The following ADAMTS17 variants were observed in gnomAD, a reference collection of about 807,000 sequenced individuals.
ADAMTS17 encodes ADAM metallopeptidase with thrombospondin type 1 motif 17.
In ADAMTS17, 113 loss-of-function variants were observed where a neutral mutation model predicts 141.5. The ratio of observed to expected loss-of-function variants is 0.80; its 90% CI spans 0.69 to 0.93. The LOEUF (loss-of-function observed/expected upper bound fraction) is 0.93. ADAMTS17 is among the 40% of genes least tolerant of loss of function. The probability of loss-of-function intolerance (pLI) is 0.00; values close to 1 mark genes in which losing one functional copy is unlikely to be tolerated. For synonymous variants in ADAMTS17, 768 were observed against 630.6 expected, an observed-to-expected ratio of 1.22 and a Z score of -3.27; for missense variants, 1,659 against 1,517.9, an observed-to-expected ratio of 1.09 and a Z score of -1.54.
At chr15:100,109,377 T>C (rs555399264) in intron 13 of ADAMTS17, among the ~76,000 whole-genome samples, 2 of 152,046 alleles carry the variant, frequency 1.3e-5, no homozygotes, top group Admixed American at 1.3e-4. Flanking sequence ...TTCCTTTTCC[T>C]TAAGGCATCA....
intron 20 of ADAMTS17, among the ~76,000 whole-genome samples, chr15:99,978,224 G>A (rs2066203844): frequency 6.6e-6 from 1 of 152,200 alleles, no homozygotes; most frequent in African/African-American, 2.4e-5. Context: ...TGGGAGGGCT[G>A]TCTGCTCCCA....
At chr15:100,281,918 TA>T in intron 3 of ADAMTS17, among the ~76,000 whole-genome samples, 1 of 152,248 alleles carries the variant, frequency 6.6e-6, no homozygotes, top group South Asian at 2.1e-4. Flanking sequence ...CTATGTTTTT[TA>T]AAAAAATACA....
chr15:100,211,196 G>A (rs1433422567), intron 7 of ADAMTS17, among the ~76,000 whole-genome samples: 1 of 150,946 alleles, frequency 6.6e-6, no homozygotes, highest in Non-Finnish European at 1.5e-5. Flanking sequence ...CAGCTACTTG[G>A]GAAGCTGAAG....
At chr15:100,146,765 C>T (rs2038925016) in intron 10 of ADAMTS17, among the ~76,000 whole-genome samples, 1 of 152,244 alleles carries the variant, frequency 6.6e-6, no homozygotes, top group African/African-American at 2.4e-5. Flanking sequence ...AGAATACGTG[C>T]CTGGGGGTAT....
chr15:100,287,145 G>A (rs780444067), intron 3 of ADAMTS17, among the ~76,000 whole-genome samples: 7 of 152,050 alleles, frequency 4.6e-5, no homozygotes, highest in Admixed American at 2.0e-4. Context: ...CCAAGATCAC[G>A]CCACCACACT....
chr15:99,976,301 G>A lies in ADAMTS17; in HGVS notation c.2950-79C>T, dbSNP rs186130935. 2.4e-4 allele frequency: 368 copies of A among 1,506,498 alleles called. 2 individuals are homozygous for A. The highest frequency in any genetic ancestry group is 8.7e-4 in the Admixed American group (44 of 50,642). The allele number at this position is 1,506,498 out of a possible 1,614,324, so 93.3% of individuals were successfully genotyped here. On this transcript the variant is annotated intron_variant, in intron 20 of 21. Transcript: ENST00000268070. ...TGATGGCCTCACAATGTGGCACTGC[G>A]GAGACAGGACAGCCTGAGTGGGGGC...
chr15:100,117,247 G>A (rs2037195858), intron 12 of ADAMTS17, among the ~76,000 whole-genome samples: 2 of 152,144 alleles, frequency 1.3e-5, no homozygotes, highest in African/African-American at 4.8e-5. Flanking sequence ...AGGTCATATG[G>A]AAAAAGAAGG....
chr15:99,999,603 G>C (rs1287810110), intron 18 of ADAMTS17, among the ~76,000 whole-genome samples: 1 of 152,200 alleles, frequency 6.6e-6, no homozygotes, highest in Non-Finnish European at 1.5e-5. Context: ...CCTAGGGCCT[G>C]GCTGGCCCTG....
At chr15:100,001,625 ATC>A (rs1196469137) in intron 18 of ADAMTS17, among the ~76,000 whole-genome samples, 3 of 152,038 alleles carry the variant, frequency 2.0e-5, no homozygotes, top group African/African-American at 7.2e-5. Context: ...TGTGTGAGAA[ATC>A]TCTCTGTACC....
chr15:100,065,778 T>A (rs1366279844), intron 15 of ADAMTS17, among the ~76,000 whole-genome samples: 1 of 152,192 alleles, frequency 6.6e-6, no homozygotes, highest in Non-Finnish European at 1.5e-5. Context: ...TATGTATACA[T>A]GTGCCATGGT....
At chr15:100,099,019 C>T (rs746419343) in intron 14 of ADAMTS17, among the ~76,000 whole-genome samples, 2 of 152,220 alleles carry the variant, frequency 1.3e-5, no homozygotes, top group East Asian at 3.8e-4. Context: ...AGGCCTGGTT[C>T]CTTGTCCTGC....
intron 7 of ADAMTS17, among the ~76,000 whole-genome samples, chr15:100,243,065 T>C (rs1406039071): frequency 1.3e-5 from 2 of 152,226 alleles, no homozygotes; most frequent in Non-Finnish European, 2.9e-5. Flanking sequence ...CTCAAGTGAG[T>C]GGCTTCATTC....
intron 18 of ADAMTS17, among the ~76,000 whole-genome samples, chr15:100,027,222 A>G (rs1394746385): frequency 6.6e-6 from 1 of 152,164 alleles, no homozygotes; most frequent in Non-Finnish European, 1.5e-5. Flanking sequence ...GACAAATGTT[A>G]TTATTTGATT....
intron 15 of ADAMTS17, among the ~76,000 whole-genome samples, chr15:100,076,435 A>G (rs941025949): frequency 1.3e-5 from 2 of 152,182 alleles, no homozygotes; most frequent in Admixed American, 1.3e-4. Context: ...TTCCTTGGTA[A>G]GATTTTGCCA....
chr15:100,090,535 T>G (rs1596395103), intron 15 of ADAMTS17, among the ~76,000 whole-genome samples: 1 of 152,306 alleles, frequency 6.6e-6, no homozygotes, highest in East Asian at 1.9e-4. Context: ...GATGCATCAG[T>G]GAAAAGACAT....
At chr15:100,278,937 T>A (rs976509857) in intron 4 of ADAMTS17, among the ~76,000 whole-genome samples, 2 of 152,172 alleles carry the variant, frequency 1.3e-5, no homozygotes, top group Non-Finnish European at 2.9e-5. Context: ...GGAAACAAGC[T>A]GTGGGATCCC....
At chr15:100,185,907 C>T (rs978685629) in intron 8 of ADAMTS17, among the ~76,000 whole-genome samples, 3 of 152,320 alleles carry the variant, frequency 2.0e-5, no homozygotes, top group South Asian at 2.1e-4. Flanking sequence ...AGGACTAACA[C>T]CGCCTTCTTC....
At chr15:100,269,082 A>G (rs2043816750) in intron 4 of ADAMTS17, among the ~76,000 whole-genome samples, 1 of 152,242 alleles carries the variant, frequency 6.6e-6, no homozygotes, top group Non-Finnish European at 1.5e-5. Context: ...CTATATGCAG[A>G]AGAATGAAAC....
intron 12 of ADAMTS17, among the ~76,000 whole-genome samples, chr15:100,131,518 A>G (rs2038044528): frequency 6.6e-6 from 1 of 152,180 alleles, no homozygotes; most frequent in African/African-American, 2.4e-5. Flanking sequence ...CATTAGAGTC[A>G]ATAAAAAGAA....
Sources: allele counts gnomAD v4.1 joint callset (sites outside exome capture counted in the v4.1 genomes callset), GRCh38; gene constraint gnomAD v4.1.1; transcripts MANE v1.5; gene names NCBI Gene and HGNC (gene_info 2026-07-23, HGNC 2026-07-21).